RIN3: variants seen among roughly 807,000 people sequenced by gnomAD.
The protein encoded by RIN3 is RAB5 interacting protein 3.
A neutral mutation model predicts 76.3 loss-of-function variants in RIN3; 54 were observed. The ratio of observed to expected loss-of-function variants is 0.71; its 90% CI spans 0.57 to 0.89. RIN3 has a LOEUF of 0.89. Ranked by LOEUF, RIN3 falls within the 40% of genes least tolerant of loss-of-function variation. The probability of loss-of-function intolerance (pLI) is 0.00; values close to 1 mark genes in which losing one functional copy is unlikely to be tolerated. For missense variants in RIN3, 1,256 were observed against 1,322.1 expected (o/e 0.95, Z 0.78); for synonymous variants, 576 against 564.0 (o/e 1.02, Z -0.30).
At chr14:92,560,235 G>A (rs568551849) in intron 2 of RIN3, among the ~76,000 whole-genome samples, 87 of 152,258 alleles carry the variant, frequency 5.7e-4, no homozygotes, top group Non-Finnish European at 1.0e-3. Context: ...TATAGAAGAT[G>A]TTGAGACCAC....
chr14:92,627,289 C>T (rs1267600385), intron 4 of RIN3, among the ~76,000 whole-genome samples: 2 of 152,222 alleles, frequency 1.3e-5, no homozygotes, highest in Non-Finnish European at 2.9e-5. Context: ...TTCTTGCACT[C>T]CTTTCCATTC....
Position 92,643,907 on chromosome 14 carries a change from A to T in RIN3, c.532+2578A>T, listed in dbSNP as rs1471838127. Reference sequence around the variant, plus strand: ...TGCCCCACTGCACTCCAGCGTGGGCAACAGACTGAGACTCTGCCTCAAAAA... The same window carrying T: ...TGCCCCACTGCACTCCAGCGTGGGCTACAGACTGAGACTCTGCCTCAAAAA... On this transcript the variant is annotated intron_variant, in intron 5 of 9. Transcript: ENST00000216487. This position sits in a 1 kb window ranked among gnomAD's most constrained non-coding sequence, Gnocchi z 4.8. Among the ~76,000 whole-genome samples the T allele has an allele frequency of 6.6e-6, 1 of 152,124 alleles. No individual in the cohort carries two copies. The highest frequency in any genetic ancestry group is 1.5e-5 in the Non-Finnish European group (1 of 68,010).
intron 1 of RIN3, among the ~76,000 whole-genome samples, chr14:92,548,927 C>T (rs1897347629): frequency 6.6e-6 from 1 of 151,938 alleles, no homozygotes; most frequent in Admixed American, 6.5e-5. Flanking sequence ...GATTTGGGGG[C>T]CCACAGTGGG....
intron 4 of RIN3, chr14:92,615,818 C>A: frequency 3.7e-6 from 1 of 270,398 alleles, no homozygotes; most frequent in East Asian, 8.6e-5. Context: ...CCTGTAGGGG[C>A]AGCAACAGGG....
At position 92,514,113 on chromosome 14, in the gene RIN3, C is replaced by T; in HGVS notation, c.44+137C>T. On this transcript the variant is annotated intron_variant, in intron 1 of 9. Coordinates refer to ENST00000216487, the MANE Select transcript of RIN3 (RefSeq NM_024832.5). The surrounding 1 kb of genome is among the most constrained non-coding windows in gnomAD (Gnocchi z 7.2). Reference sequence around the variant, plus strand: ...TGTCGGGCTGATACGGGACCCCCACCGTGGCCGAGGCCAGAACCTGGTTCT... The same window carrying T: ...TGTCGGGCTGATACGGGACCCCCACTGTGGCCGAGGCCAGAACCTGGTTCT... The T allele has an allele frequency of 1.7e-6, 1 of 587,274 alleles. No individual in the cohort carries two copies. The highest frequency in any genetic ancestry group is 2.5e-6 in the Non-Finnish European group (1 of 399,442). 36.4% of individuals were successfully genotyped at this position (587,274 alleles called of 1,614,324 possible).
At chr14:92,520,655 C>G (rs1477989974) in intron 1 of RIN3, among the ~76,000 whole-genome samples, 1 of 152,320 alleles carries the variant, frequency 6.6e-6, no homozygotes, top group South Asian at 2.1e-4. Context: ...AAGCCTTCCC[C>G]TCCTCCAAAG....
At chr14:92,543,896 A>C (rs2140019125) in intron 1 of RIN3, among the ~76,000 whole-genome samples, 1 of 152,096 alleles carries the variant, frequency 6.6e-6, no homozygotes, top group South Asian at 2.1e-4. Context: ...GTATCTCTGC[A>C]TGCTCACCTG....
At position 92,632,923 on chromosome 14, in the gene RIN3, C is replaced by T. The variant is rs1370164320; in HGVS notation, c.441-8315C>T. On this transcript the variant is annotated intron_variant, in intron 4 of 9. Transcript: ENST00000216487. ...AAAATGCTTGGAAAGCCTTGAACGCCGTGCCTAGGGATTGCAGGGACTTCC... is the reference window on the plus strand; with the variant it reads ...AAAATGCTTGGAAAGCCTTGAACGCTGTGCCTAGGGATTGCAGGGACTTCC... Among the ~76,000 whole-genome samples, 4 of 152,178 alleles carry T rather than the reference C, an allele frequency of 2.6e-5. No individual in the cohort carries two copies. The South Asian group carries it at 6.2e-4, about 24-fold the overall frequency.
intron 3 of RIN3, among the ~76,000 whole-genome samples, chr14:92,602,438 C>T (rs565055437): frequency 6.6e-6 from 1 of 152,316 alleles, no homozygotes; most frequent in East Asian, 1.9e-4. Flanking sequence ...TGCACCTCCT[C>T]TCTCAACAAA....
chr14:92,561,044 A>AAAAAATATATATATATATAT (rs1555383856), intron 2 of RIN3, among the ~76,000 whole-genome samples: 17 of 24,398 alleles, frequency 7.0e-4, no homozygotes, highest in Admixed American at 4.1e-3. Flanking sequence ...AAAAAAAAAA[A>AAAAAATATATATATATATAT]ATATATATAT....
intron 4 of RIN3, among the ~76,000 whole-genome samples, chr14:92,635,638 G>T (rs1886745981): frequency 6.6e-6 from 1 of 152,104 alleles, no homozygotes; most frequent in Admixed American, 6.5e-5. Flanking sequence ...GATCACTTGA[G>T]GTTAGGAGTT....
At chr14:92,523,205 G>A (rs1014649045) in intron 1 of RIN3, among the ~76,000 whole-genome samples, 4 of 152,158 alleles carry the variant, frequency 2.6e-5, no homozygotes, top group Non-Finnish European at 5.9e-5. Flanking sequence ...CTGCCTCCTG[G>A]GTTCAAGCAA....
rs186621149 is a variant in RIN3, at chr14:92,574,421, G to A, written c.250-2939G>A. On this transcript the variant is annotated intron_variant, in intron 2 of 9. Transcript: ENST00000216487. ...CTGTACACATGGTGACAAAGAAAAG[G>A]GAAGATGAAGCCTCCATGTTAAACA... 1.1e-4 allele frequency among the ~76,000 whole-genome samples: 16 copies of A among 152,304 alleles called. No homozygotes were observed. In the East Asian group the frequency reaches 2.9e-3, roughly 28 times the overall value.
intron 1 of RIN3, among the ~76,000 whole-genome samples, chr14:92,532,026 T>C (rs1896894211): frequency 6.6e-6 from 1 of 151,820 alleles, no homozygotes; most frequent in Non-Finnish European, 1.5e-5. Flanking sequence ...CCTCCTGGGT[T>C]CAAGCGATTC....
intron 9 of RIN3, chr14:92,687,067 G>A (rs61994063): frequency 0.26 from 39,564 of 152,300 alleles, 6,505 homozygotes; most frequent in Non-Finnish European, 0.35. Flanking sequence ...CCGGCCACAA[G>A]GGGGCAGCCC....
At chr14:92,603,662 T>G (rs1406154495) in intron 3 of RIN3, among the ~76,000 whole-genome samples, 1 of 152,176 alleles carries the variant, frequency 6.6e-6, no homozygotes, top group African/African-American at 2.4e-5. Flanking sequence ...TGGTAGCGAA[T>G]CTCAGAGAAC....
At chr14:92,526,421 T>G (rs1215550483) in intron 1 of RIN3, among the ~76,000 whole-genome samples, 1 of 151,690 alleles carries the variant, frequency 6.6e-6, no homozygotes, top group Non-Finnish European at 1.5e-5. Flanking sequence ...ATCACACCAC[T>G]GCACTCCAGC....
At chr14:92,570,706 A>G (rs1898042075) in intron 2 of RIN3, among the ~76,000 whole-genome samples, 1 of 151,334 alleles carries the variant, frequency 6.6e-6, no homozygotes, top group African/African-American at 2.4e-5. Flanking sequence ...TTAATTATGG[A>G]GTTTATTCTA....
chr14:92,637,118 A>C (rs2140126604), intron 4 of RIN3, among the ~76,000 whole-genome samples: 1 of 152,152 alleles, frequency 6.6e-6, no homozygotes, highest in South Asian at 2.1e-4. Flanking sequence ...CATTACGTTT[A>C]TTGTGCACCT....
Sources: gnomAD v4.1 joint callset for allele counts (sites outside exome capture counted in the v4.1 genomes callset) on GRCh38, gnomAD v4.1.1 for gene constraint, Gnocchi (gnomAD v3.1) non-coding constraint, MANE v1.5 for transcripts, NCBI Gene and HGNC (gene_info 2026-07-23, HGNC 2026-07-21) for gene names.